MTUS2: variants seen among roughly 807,000 people sequenced by gnomAD.
The protein encoded by MTUS2 is microtubule associated scaffold protein 2.
In MTUS2, 40 loss-of-function variants were observed where a neutral mutation model predicts 114.1. That is an observed-to-expected ratio of 0.35 (90% CI 0.27 to 0.46). The LOEUF is 0.46. Among genes scored for constraint, MTUS2 ranks in the 20% least tolerant of loss-of-function variants. The pLI is 1.00. For synonymous variants in MTUS2, 688 were observed against 672.0 expected, an observed-to-expected ratio of 1.02 and a Z score of -0.37; for missense variants, 1,679 against 1,705.4, an observed-to-expected ratio of 0.98 and a Z score of 0.27.
At chr13:29,042,471 C>T (rs148922660) in intron 4 of MTUS2, among the ~76,000 whole-genome samples, 1 of 151,642 alleles carries the variant, frequency 6.6e-6, no homozygotes, top group Admixed American at 6.6e-5. Context: ...TAGGGTGATA[C>T]TGGCTTCATA....
intron 5 of MTUS2, among the ~76,000 whole-genome samples, chr13:29,191,319 T>C (rs1894440304): frequency 6.6e-6 from 1 of 152,016 alleles, no homozygotes. Context: ...TTTTTTTATA[T>C]ATATATAATT....
chr13:29,222,763 C>A (rs1393773131), intron 5 of MTUS2, among the ~76,000 whole-genome samples: 3 of 152,248 alleles, frequency 2.0e-5, no homozygotes, highest in African/African-American at 7.2e-5. Context: ...AGGAAGACTC[C>A]CTTTCCTACA....
chr13:29,104,630 A>G lies in MTUS2; in HGVS notation c.2644+3660A>G, dbSNP rs1004783154. The stretch of plus-strand genomic sequence containing the variant: ...AAGTAGCCACAGTTCCTGTGGACTC[A>G]CACAGCACCTGCATGTGTATCGTGC... On this transcript the variant is annotated intron_variant, in intron 5 of 15. Transcript: ENST00000612955. Among the ~76,000 whole-genome samples, 7 of 152,290 alleles carry G rather than the reference A, an allele frequency of 4.6e-5. No individual in the cohort carries two copies. In the South Asian group the frequency reaches 1.5e-3, roughly 32 times the overall value.
intron 8 of MTUS2, among the ~76,000 whole-genome samples, chr13:29,415,763 ATTTC>A (rs371502534): frequency 1.1e-4 from 17 of 152,178 alleles, no homozygotes; most frequent in African/African-American, 4.1e-4. Context: ...TATTATGCAT[ATTTC>A]TTGTGTTTCT....
intron 8 of MTUS2, among the ~76,000 whole-genome samples, chr13:29,362,634 C>T (rs1382479390): frequency 6.6e-6 from 1 of 152,102 alleles, no homozygotes; most frequent in Non-Finnish European, 1.5e-5. Context: ...TTGCAGTGAA[C>T]CGAGATTGCT....
chr13:28,875,481 G>T (rs2138116731), intron 2 of MTUS2, among the ~76,000 whole-genome samples: 1 of 152,284 alleles, frequency 6.6e-6, no homozygotes, highest in East Asian at 1.9e-4. Flanking sequence ...CATTGCTGTT[G>T]TAGTCAACCT....
intron 5 of MTUS2, among the ~76,000 whole-genome samples, chr13:29,184,576 A>G (rs1268959602): frequency 6.6e-6 from 1 of 152,148 alleles, no homozygotes; most frequent in African/African-American, 2.4e-5. Context: ...GACATGCACT[A>G]ACTACACACA....
chr13:28,962,501 A>G (rs1377200131), intron 2 of MTUS2, among the ~76,000 whole-genome samples: 4 of 152,162 alleles, frequency 2.6e-5, no homozygotes, highest in Admixed American at 6.5e-5. Context: ...TCCTCTAGGT[A>G]TATCTTTAAC....
intron 5 of MTUS2, among the ~76,000 whole-genome samples, chr13:29,180,575 A>G (rs1266388328): frequency 6.6e-6 from 1 of 152,232 alleles, no homozygotes; most frequent in African/African-American, 2.4e-5. Context: ...ACCCTCAGAT[A>G]AATCTATAGC....
chr13:29,407,407 A>G (rs938397611), intron 8 of MTUS2, among the ~76,000 whole-genome samples: 5 of 151,548 alleles, frequency 3.3e-5, no homozygotes, highest in African/African-American at 4.9e-5. Flanking sequence ...TATAGCTTCC[A>G]TTTTCTTATA....
At chr13:29,332,210 G>A (rs1289666627) in intron 7 of MTUS2, among the ~76,000 whole-genome samples, 1 of 152,156 alleles carries the variant, frequency 6.6e-6, no homozygotes, top group African/African-American at 2.4e-5. Flanking sequence ...TCGTTGGTAG[G>A]CTATTAATTA....
chr13:28,864,822 C>G (rs552196578), intron 2 of MTUS2, among the ~76,000 whole-genome samples: 1 of 152,266 alleles, frequency 6.6e-6, no homozygotes, highest in Admixed American at 6.5e-5. Context: ...AAATGTGAAC[C>G]TTGGTTCCAA....
At chr13:29,016,139 A>G (rs1886056363) in intron 2 of MTUS2, among the ~76,000 whole-genome samples, 1 of 152,066 alleles carries the variant, frequency 6.6e-6, no homozygotes, top group South Asian at 2.1e-4. Flanking sequence ...TCCTGACCTC[A>G]TGATCCACCC....
rs556819951 is a variant in MTUS2 at position 28,873,243 on chromosome 13, G to A, written c.-243+33393G>A. Among the ~76,000 whole-genome samples the A allele has an allele frequency of 2.0e-4, 31 of 152,218 alleles. 1 individual carries two copies. Among genetic ancestry groups the A allele is most frequent in the African/African-American group, 7.0e-4 (29 of 41,530 alleles). On this transcript the variant is annotated intron_variant, in intron 2 of 15. Transcript: ENST00000612955. ...TTGAGTTCCTTGAACATACCATGGG[G>A]GAAAATTTTCTTCCTGCCAAGAGTG...
intron 9 of MTUS2, among the ~76,000 whole-genome samples, chr13:29,441,389 C>T (rs1877855170): frequency 1.3e-5 from 2 of 152,196 alleles, no homozygotes; most frequent in Non-Finnish European, 2.9e-5. Context: ...AAGTCTCATC[C>T]TTCCTCTTTG....
chr13:29,194,548 C>T (rs1446284116), intron 5 of MTUS2, among the ~76,000 whole-genome samples: 1 of 152,076 alleles, frequency 6.6e-6, no homozygotes, highest in Non-Finnish European at 1.5e-5. Context: ...CAGTGAGATA[C>T]CATCTCACAC....
intron 2 of MTUS2, among the ~76,000 whole-genome samples, chr13:29,004,594 C>T (rs1885525851): frequency 6.6e-6 from 1 of 152,164 alleles, no homozygotes; most frequent in African/African-American, 2.4e-5. Flanking sequence ...TGGTAGTTTC[C>T]AGACTATGTG....
intron 2 of MTUS2, among the ~76,000 whole-genome samples, chr13:28,907,281 C>G (rs1420587624): frequency 1.3e-5 from 2 of 151,592 alleles, no homozygotes; most frequent in East Asian, 3.9e-4. Context: ...ACAACCGGTA[C>G]CAGCCACTGC....
chr13:29,393,516 T>C (rs962583254), intron 8 of MTUS2, among the ~76,000 whole-genome samples: 1 of 152,192 alleles, frequency 6.6e-6, no homozygotes, highest in African/African-American at 2.4e-5. Flanking sequence ...AGCAAGATGC[T>C]GAGTCCTTCC....
Sources: gnomAD v4.1 joint callset for allele counts (sites outside exome capture counted in the v4.1 genomes callset) on GRCh38, gnomAD v4.1.1 for gene constraint, MANE v1.5 for transcripts, NCBI Gene and HGNC (gene_info 2026-07-23, HGNC 2026-07-21) for gene names.